PML: variants seen among roughly 807,000 people sequenced by gnomAD.
PML encodes PML nuclear body scaffold.
In PML, 28 loss-of-function variants were observed where a neutral mutation model predicts 65.2. The ratio of observed to expected loss-of-function variants is 0.43; its 90% confidence interval spans 0.32 to 0.59. The LOEUF (loss-of-function observed/expected upper bound fraction) is 0.59. PML is among the 20% of genes least tolerant of loss of function. The pLI is 0.08. For synonymous variants in PML, 500 were observed against 508.8 expected, an observed-to-expected ratio of 0.98 and a Z score of 0.23; for missense variants, 1,021 against 1,203.4, an observed-to-expected ratio of 0.85 and a Z score of 2.24.
chr15:74,035,233 A>T lies in PML; in HGVS notation c.1710+703A>T. On this transcript the variant is annotated intron_variant, in intron 7 of 8. Coordinates refer to ENST00000268058, the MANE Select transcript of PML (RefSeq NM_033238.3). This position sits in a 1 kb window ranked among gnomAD's most constrained non-coding sequence, Gnocchi z 4.1. The stretch of plus-strand genomic sequence containing the variant: ...TCGCCAGCCCACTCCTCGCCAGCCC[A>T]CTCCTCGCCAGCCCACTCCTCGCCA... 2 of 1,596,464 alleles carry T rather than the reference A, an allele frequency of 1.3e-6. No homozygotes were observed. Among genetic ancestry groups the T allele is most frequent in the Non-Finnish European group, 1.7e-6 (2 of 1,165,238 alleles).
chr15:74,025,797 C>T (rs2071046868), intron 4 of PML: 1 of 152,362 alleles, frequency 6.6e-6, no homozygotes, highest in Admixed American at 6.5e-5. Flanking sequence ...TCGGTTTCTT[C>T]CTGGACTTGG....
chr15:74,038,081 C>G (rs1309554644), intron 7 of PML, among the ~76,000 whole-genome samples: 1 of 152,138 alleles, frequency 6.6e-6, no homozygotes, highest in East Asian at 1.9e-4. Context: ...CACATCCAAC[C>G]AGTTATTGAG....
intron 3 of PML, among the ~76,000 whole-genome samples, chr15:74,024,083 CAG>C (rs923248973): frequency 1.3e-5 from 2 of 151,884 alleles, no homozygotes; most frequent in African/African-American, 4.8e-5. Context: ...TTAGCTGGAA[CAG>C]GGGGGCTTTC....
intron 2 of PML, among the ~76,000 whole-genome samples, chr15:74,005,679 T>C (rs2070012200): frequency 1.3e-5 from 2 of 152,110 alleles, no homozygotes; most frequent in East Asian, 3.8e-4. Flanking sequence ...TTGTAGTGTG[T>C]TCTTAAGTCT....
rs886654176 is a variant in PML, at chr15:74,028,459, T to A, written c.1254+3532T>A. The A allele has an allele frequency of 8.8e-5, 13 of 147,920 alleles. No individual in the cohort carries two copies. The South Asian group carries it at 1.1e-3, about 12-fold the overall frequency. 9.2% of individuals were successfully genotyped at this position (147,920 alleles called of 1,614,324 possible). A position where few individuals can be genotyped will look rare whatever the true frequency, so the allele number is the denominator to read the frequency against. On this transcript the variant is annotated intron_variant, in intron 4 of 8. Coordinates refer to ENST00000268058, the MANE Select transcript of PML (RefSeq NM_033238.3). ...TCCTTTTTCAAAAAAAAAAAAAAAA[T>A]GTTTAATTTTGGTAAAATACACATA...
At chr15:74,015,115 C>T (rs1029697013) in intron 2 of PML, among the ~76,000 whole-genome samples, 4 of 152,226 alleles carry the variant, frequency 2.6e-5, no homozygotes, top group African/African-American at 9.7e-5. Context: ...CTGGTATCTT[C>T]TTCTCCAAGA....
intron 4 of PML, among the ~76,000 whole-genome samples, chr15:74,029,350 C>T (rs951052358): frequency 2.0e-5 from 3 of 152,092 alleles, no homozygotes; most frequent in Non-Finnish European, 4.4e-5. Flanking sequence ...TAGGCTGGGT[C>T]CAGTGGCTCA....
Position 74,043,429 on chromosome 15 carries a change from C to T in PML, c.1861+290C>T, listed in dbSNP as rs2071735270. Reference sequence around the variant, plus strand: ...TCAGACAGAGAGCCTGGGGAACACACTCCTAGACAGAAACACAATGCGTGA... The same window carrying T: ...TCAGACAGAGAGCCTGGGGAACACATTCCTAGACAGAAACACAATGCGTGA... On this transcript the variant is annotated intron_variant, in intron 8 of 8. Coordinates refer to ENST00000268058, the MANE Select transcript of PML (RefSeq NM_033238.3). This position sits in a 1 kb window ranked among gnomAD's most constrained non-coding sequence, Gnocchi z 4.3. 1 of 1,380,788 alleles carries T rather than the reference C, an allele frequency of 7.2e-7. No homozygotes were observed. Among genetic ancestry groups the T allele is most frequent in the Non-Finnish European group, 9.4e-7 (1 of 1,059,754 alleles). 85.5% of individuals were successfully genotyped at this position (1,380,788 alleles called of 1,614,324 possible).
Position 74,044,433 on chromosome 15 carries a change from G to A in PML, c.2074G>A (p.Glu692Lys), listed in dbSNP as rs2071748259. The A allele has an allele frequency of 2.5e-6, 4 of 1,614,088 alleles. No homozygotes were observed. The African/African-American group carries it at 5.3e-5, about 22-fold the overall frequency. Residue 692 changes from glutamate to lysine, a missense_variant, in exon 9 of 9, where the codon GAG becomes AAG. Coordinates refer to ENST00000268058, the MANE Select transcript of PML (RefSeq NM_033238.3). Reference sequence around the variant, plus strand: ...CCTCCCAAACTTCTTCCGGGCCCTGGAGGACATTAACAGGCTGTGGGAATT... The same window carrying A: ...CCTCCCAAACTTCTTCCGGGCCCTGAAGGACATTAACAGGCTGTGGGAATT... ...PGLPNFFRALEDINRLWEFQE... is the reference protein window; with the variant it reads ...PGLPNFFRALKDINRLWEFQE...
chr15:73,998,617 AGT>A (rs928678898), intron 2 of PML, 141 bp downstream of exon 2: 3 of 728,256 alleles, frequency 4.1e-6, no homozygotes, highest in Non-Finnish European at 2.3e-6. Flanking sequence ...GCAGATATGC[AGT>A]GTCCGTGTTG....
intron 4 of PML, chr15:74,027,067 C>T (rs1216953194): frequency 6.6e-6 from 1 of 152,182 alleles, no homozygotes; most frequent in African/African-American, 2.4e-5. Flanking sequence ...ATACCAGATA[C>T]ACATGGTATC....
chr15:73,998,407 T>C lies in PML; in HGVS notation c.533T>C (p.Leu178Pro). The C allele has an allele frequency of 6.2e-7, 1 of 1,614,056 alleles. No individual in the cohort carries two copies. The highest frequency in any genetic ancestry group is 8.5e-7 in the Non-Finnish European group (1 of 1,179,914). The change falls in exon 2 of 9, where the codon CTG becomes CCG. Residue 178 changes from leucine to proline, a missense_variant. Transcript: ENST00000268058. ...ELRNQSVREF[L>P]DGTRKTNNIF... The stretch of plus-strand genomic sequence containing the variant: ...CGCAACCAGTCGGTGCGTGAGTTCC[T>C]GGACGGCACCCGCAAGACCAACAAC...
At chr15:74,010,215 T>TTTTTTTTTTTG (rs2070265128) in intron 2 of PML, among the ~76,000 whole-genome samples, 1 of 113,572 alleles carries the variant, frequency 8.8e-6, no homozygotes, top group Non-Finnish European at 1.9e-5. Context: ...TTTTTTTTTG[T>TTTTTTTTTTTG]AGAGATGGGC....
At position 74,043,535 on chromosome 15, in the gene PML, G is replaced by C. The variant is rs1417241672; in HGVS notation, c.1861+396G>C. Among the ~76,000 whole-genome samples, 2 of 152,220 alleles carry C rather than the reference G, an allele frequency of 1.3e-5. No individual in the cohort carries two copies. Among genetic ancestry groups the C allele is most frequent in the Non-Finnish European group, 2.9e-5 (2 of 68,042 alleles). On this transcript the variant is annotated intron_variant, in intron 8 of 8. Transcript: ENST00000268058. The surrounding 1 kb of genome is among the most constrained non-coding windows in gnomAD (Gnocchi z 4.3). ...TCTGAGTAGAGGGCCAATCCCACAG[G>C]TGGCTGCACAGGGCTGCCCACAGAT...
At chr15:74,033,702 C>T (rs1374264720) in intron 6 of PML, 3 of 621,908 alleles carry the variant, frequency 4.8e-6, no homozygotes, top group Non-Finnish European at 8.7e-6. Flanking sequence ...CAGGTCTCCA[C>T]AAGAAGTTTG....
At chr15:74,041,825 G>T (rs1193765735) in intron 7 of PML, among the ~76,000 whole-genome samples, 2 of 152,230 alleles carry the variant, frequency 1.3e-5, no homozygotes, top group African/African-American at 4.8e-5. Flanking sequence ...ATTAACTGAG[G>T]CTTTAGCACC....
chr15:74,034,108 T>G, intron 6 of PML: 1 of 388,426 alleles, frequency 2.6e-6, no homozygotes, highest in South Asian at 2.4e-5. Flanking sequence ...CTTTTAACTC[T>G]AGACATCCCA....
rs1048190859 is a variant in PML at position 74,037,671 on chromosome 15, G to C, written c.1710+3141G>C. The C allele has an allele frequency of 6.1e-6, 6 of 985,164 alleles. No individual in the cohort carries two copies. The highest frequency in any genetic ancestry group is 7.2e-6 in the Non-Finnish European group (6 of 829,934). 61.0% of individuals were successfully genotyped at this position (985,164 alleles called of 1,614,324 possible). A position where few individuals can be genotyped will look rare whatever the true frequency, so the allele number is the denominator to read the frequency against. On this transcript the variant is annotated intron_variant, in intron 7 of 8. Transcript: ENST00000268058. The surrounding 1 kb of genome is among the most constrained non-coding windows in gnomAD (Gnocchi z 4.2). ...GTCGCGTTTAGTCGTTATTATTCTT[G>C]ACCGGCGCTGGGCCCGGTCTTTCCT...
chr15:74,010,185 A>ATTTTTTTTTT (rs536738558), intron 2 of PML, among the ~76,000 whole-genome samples: 1,192 of 77,886 alleles, frequency 0.015, 89 homozygotes, highest in Non-Finnish European at 0.02. Context: ...TGCCCAGCTA[A>ATTTTTTTTTT]TTTTTTTTTT....
Sources: allele counts gnomAD v4.1 joint callset (sites outside exome capture counted in the v4.1 genomes callset), GRCh38; gene constraint gnomAD v4.1.1; non-coding constraint Gnocchi (gnomAD v3.1); transcripts MANE v1.5; gene names NCBI Gene and HGNC (gene_info 2026-07-23, HGNC 2026-07-21).